Variants in RAD54B observed in about 807,000 individuals in gnomAD.
The protein encoded by RAD54B is RAD54 homolog B, also known as DNA repair and recombination protein RAD54B.
A neutral mutation model predicts 95.8 loss-of-function variants in RAD54B; 78 were observed. The ratio of observed to expected loss-of-function variants is 0.81; its 90% CI spans 0.68 to 0.98. The LOEUF (loss-of-function observed/expected upper bound fraction) is 0.98. RAD54B is among the 50% of genes least tolerant of loss of function. RAD54B has a pLI of 0.00. For missense variants in RAD54B, 957 were observed against 1,056.6 expected, an observed-to-expected ratio of 0.91 and a Z score of 1.31; for synonymous variants, 328 against 354.9, an observed-to-expected ratio of 0.92 and a Z score of 0.85.
chr8:94,461,587 A>G (rs1362463984), intron 2 of RAD54B, among the ~76,000 whole-genome samples: 3 of 152,190 alleles, frequency 2.0e-5, no homozygotes, highest in African/African-American at 7.2e-5. Context: ...CAACTAATGA[A>G]GGTCACAAAT....
At chr8:94,408,932 G>A (rs1359796370) in intron 4 of RAD54B, among the ~76,000 whole-genome samples, 1 of 151,546 alleles carries the variant, frequency 6.6e-6, no homozygotes, top group East Asian at 1.9e-4. Flanking sequence ...TGATCCAAAG[G>A]TGACTCTTTC....
chr8:94,422,752 T>TTATATA lies in RAD54B; in HGVS notation c.305-11443_305-11438dup, dbSNP rs369490267. ...TAGAAAGCCTCCTCACCACAAAAAA[T>TTATATA]TATATATATATATATATATATATAA... On this transcript the variant is annotated intron_variant, in intron 3 of 14. Coordinates refer to ENST00000336148, the MANE Select transcript of RAD54B (RefSeq NM_012415.3). 6.0e-3 allele frequency among the ~76,000 whole-genome samples: 750 copies of TTATATA among 125,378 alleles called. 13 individuals are homozygous for TTATATA. The highest frequency in any genetic ancestry group is 0.018 in the African/African-American group (617 of 34,300). 82.3% of individuals were successfully genotyped at this position (125,378 alleles called of 152,430 possible).
intron 14 of RAD54B, among the ~76,000 whole-genome samples, chr8:94,377,779 A>G (rs1313398340): frequency 1.3e-5 from 2 of 150,016 alleles, no homozygotes; most frequent in Non-Finnish European, 3.0e-5. Flanking sequence ...GATCGAGACC[A>G]TCCTGGCTAA....
intron 3 of RAD54B, 118 bp downstream of exon 3, chr8:94,458,150 G>A (rs979718589): frequency 1.1e-6 from 1 of 896,184 alleles, no homozygotes; most frequent in Non-Finnish European, 1.6e-6. Context: ...TACCAACAAT[G>A]TAGTGGTATT....
chr8:94,450,499 A>AATTT (rs1812630151), intron 3 of RAD54B, among the ~76,000 whole-genome samples: 1 of 152,236 alleles, frequency 6.6e-6, no homozygotes, highest in Admixed American at 6.5e-5. Context: ...ATGGGGCTAA[A>AATTT]AGAGTCATAC....
intron 3 of RAD54B, among the ~76,000 whole-genome samples, chr8:94,456,479 T>C (rs1046385718): frequency 5.3e-5 from 8 of 152,186 alleles, no homozygotes; most frequent in Non-Finnish European, 1.2e-4. Flanking sequence ...TAAAGTGGCA[T>C]GATATATGCA....
intron 3 of RAD54B, among the ~76,000 whole-genome samples, chr8:94,433,098 C>G (rs921864945): frequency 6.6e-6 from 1 of 152,078 alleles, no homozygotes; most frequent in Non-Finnish European, 1.5e-5. Context: ...ATCTTAAAAC[C>G]ATGAAGGCCC....
At chr8:94,438,982 T>C (rs1434995030) in intron 3 of RAD54B, among the ~76,000 whole-genome samples, 3 of 152,066 alleles carry the variant, frequency 2.0e-5, no homozygotes, top group Non-Finnish European at 4.4e-5. Context: ...GTTCCAGCTA[T>C]TCGGGAACCT....
chr8:94,396,913 A>T (rs1478121467), intron 8 of RAD54B, among the ~76,000 whole-genome samples: 1 of 152,182 alleles, frequency 6.6e-6, no homozygotes, highest in Non-Finnish European at 1.5e-5. Context: ...AGGATAGAGT[A>T]CATGAGGACA....
intron 1 of RAD54B, among the ~76,000 whole-genome samples, chr8:94,468,410 A>G (rs1005589465): frequency 6.6e-6 from 1 of 152,072 alleles, no homozygotes; most frequent in Non-Finnish European, 1.5e-5. Flanking sequence ...ACCATGACAT[A>G]TGTAAAAAGG....
chr8:94,380,049 A>C (rs1423744181), intron 12 of RAD54B, 96 bp downstream of exon 12: 1 of 1,345,988 alleles, frequency 7.4e-7, no homozygotes, highest in African/African-American at 1.5e-5. Flanking sequence ...CTCTTTATGC[A>C]GTGGATATTA....
chr8:94,423,336 C>T (rs533230814), intron 3 of RAD54B, among the ~76,000 whole-genome samples: 55 of 152,186 alleles, frequency 3.6e-4, no homozygotes, highest in African/African-American at 1.2e-3. Flanking sequence ...GAGCCAAGAT[C>T]GCGCCACTGC....
intron 3 of RAD54B, chr8:94,436,409 C>G (rs2130121227): frequency 7.2e-7 from 1 of 1,398,382 alleles, no homozygotes; most frequent in Non-Finnish European, 9.4e-7. Context: ...GGGATGCTTA[C>G]TATGCATATC....
intron 3 of RAD54B, among the ~76,000 whole-genome samples, chr8:94,422,651 T>TATATATATATATATATAAAA (rs556821145): frequency 1.5e-4 from 13 of 88,894 alleles, no homozygotes; most frequent in Non-Finnish European, 2.6e-4. Context: ...TATATATATA[T>TATATATATATATATATAAAA]ATAAAATTAT....
chr8:94,432,190 CT>C (rs1563654913), intron 3 of RAD54B: 1 of 1,550,298 alleles, frequency 6.5e-7, no homozygotes, highest in Non-Finnish European at 8.7e-7. Flanking sequence ...AGCTTCTCCA[CT>C]TCAATTTTTG....
At chr8:94,439,444 T>C (rs1812343590) in intron 3 of RAD54B, among the ~76,000 whole-genome samples, 1 of 152,180 alleles carries the variant, frequency 6.6e-6, no homozygotes, top group Admixed American at 6.5e-5. Flanking sequence ...TGTTTGAATA[T>C]ATCACGCTGT....
chr8:94,385,335 G>A (rs116619092), intron 11 of RAD54B, among the ~76,000 whole-genome samples: 2,221 of 131,634 alleles, frequency 0.017, 61 homozygotes, highest in African/African-American at 0.057. Flanking sequence ...CACCTATCCC[G>A]CCCACCCTTC....
intron 3 of RAD54B, among the ~76,000 whole-genome samples, chr8:94,414,611 T>C (rs897301336): frequency 3.3e-5 from 5 of 152,202 alleles, no homozygotes; most frequent in Admixed American, 3.3e-4. Context: ...TTGGTTCTGT[T>C]TATATGCTGG....
Position 94,393,810 on chromosome 8 carries a change from G to A in RAD54B, c.1451C>T (p.Ser484Phe), listed in dbSNP as rs764772460. Residue 484 changes from serine (S) to phenylalanine (F), a missense_variant, in exon 9 of 15, where the codon TCT becomes TTT. Ser to Phe is a radical substitution (Grantham distance 155, BLOSUM62 -2). Coordinates refer to ENST00000336148, the MANE Select transcript of RAD54B (RefSeq NM_012415.3). ...ATATATTTTCCTATAAGATGACAAA[G>A]AGCCTAATATTCCTGGATTTACAAA... ...IDFVNPGILG[S>F]LSSYRKIYEE... 5 of 1,585,568 alleles carry A rather than the reference G, an allele frequency of 3.2e-6. No individual in the cohort carries two copies. Among genetic ancestry groups the A allele is most frequent in the Non-Finnish European group, 4.3e-6 (5 of 1,156,000 alleles).
Sources: gnomAD v4.1 joint callset for allele counts (sites outside exome capture counted in the v4.1 genomes callset) on GRCh38, gnomAD v4.1.1 for gene constraint, MANE v1.5 for transcripts, NCBI Gene and HGNC (gene_info 2026-07-23, HGNC 2026-07-21) for gene names.